LSR: variants seen among roughly 807,000 people sequenced by gnomAD.
The protein encoded by LSR is lipolysis stimulated lipoprotein receptor, also known as lipolysis-stimulated lipoprotein receptor.
LSR carries 44 observed loss-of-function variants against 61.8 expected under a neutral mutation model. The observed-to-expected ratio is 0.71, with a 90% CI of 0.56 to 0.91. LSR has a LOEUF of 0.91. Ranked by LOEUF, LSR falls within the 40% of genes least tolerant of loss-of-function variation. The probability of loss-of-function intolerance (pLI) is 0.00; values close to 1 mark genes in which losing one functional copy is unlikely to be tolerated. For missense variants in LSR, 911 were observed against 830.5 expected (o/e 1.10, Z -1.19); for synonymous variants, 397 against 350.6 (o/e 1.13, Z -1.48).
At chr19:35,261,596 G>A (rs927507576) in intron 3 of LSR, among the ~76,000 whole-genome samples, 9 of 152,304 alleles carry the variant, frequency 5.9e-5, no homozygotes, top group South Asian at 2.1e-4. Context: ...CCCTATCACC[G>A]TGGTTGGAGC....
At chr19:35,254,377 T>A (rs1420635553) in intron 2 of LSR, among the ~76,000 whole-genome samples, 1 of 152,224 alleles carries the variant, frequency 6.6e-6, no homozygotes, top group East Asian at 1.9e-4. Flanking sequence ...ATTACAGATG[T>A]GAGCCACCAT....
chr19:35,266,745 A>C lies in LSR; in HGVS notation c.1012+7A>C, dbSNP rs1289091310. ...GACAGCAGTGTGGCCTCTGGTGAGAATCCATCGTCCCGAAGTTGGATGTGC... is the reference window on the plus strand; with the variant it reads ...GACAGCAGTGTGGCCTCTGGTGAGACTCCATCGTCCCGAAGTTGGATGTGC... On this transcript the variant is annotated splice_region_variant and intron_variant, in intron 7 of 9. Transcript: ENST00000605618. 14 of 1,609,234 alleles carry C rather than the reference A, an allele frequency of 8.7e-6. No homozygotes were observed. The highest frequency in any genetic ancestry group is 1.1e-5 in the Non-Finnish European group (13 of 1,177,994).
intron 3 of LSR, 111 bp from the exon 4 acceptor site, chr19:35,261,814 C>T: frequency 1.6e-6 from 1 of 644,730 alleles, no homozygotes; most frequent in Non-Finnish European, 2.5e-6. Context: ...CCAGCCCCTT[C>T]CCGCTTCAGG....
rs556689258 is a variant in LSR, at chr19:35,250,477, C to G, written c.272C>G (p.Ala91Gly). 6.2e-7 allele frequency: 1 copy of G among 1,614,078 alleles called. No homozygotes were observed. The highest frequency in any genetic ancestry group is 1.7e-5 in the Admixed American group (1 of 60,010). ...TTCTGCCGGGACCGCATCGCCGATG[C>G]CTTCTCCCCGGCCAGCGTCGACAAC... ...KSFCRDRIAD[A>G]FSPASVDNQL... Residue 91 changes from alanine to glycine, a missense_variant, in exon 2 of 10, where the codon GCC becomes GGC. By Grantham distance (60) the Ala-to-Gly change is moderately conservative (BLOSUM62 0). Transcript: ENST00000605618.
intron 2 of LSR, among the ~76,000 whole-genome samples, chr19:35,255,756 C>T (rs1391797481): frequency 1.3e-5 from 2 of 152,200 alleles, no homozygotes; most frequent in African/African-American, 4.8e-5. Flanking sequence ...GCCTGGCACT[C>T]TCTGCTGTCC....
rs1168659903 is a variant in LSR at position 35,267,301 on chromosome 19, T to C, written c.1337T>C (p.Val446Ala). 4.3e-5 allele frequency: 66 copies of C among 1,541,720 alleles called. No individual in the cohort carries two copies. Among genetic ancestry groups the C allele is most frequent in the Non-Finnish European group, 5.7e-5 (65 of 1,143,024 alleles). The change falls in exon 9 of 10, where the codon GTG becomes GCG. Residue 446 changes from valine (V) to alanine (A), a missense_variant. Val to Ala is a moderately conservative substitution (Grantham distance 64). Coordinates refer to ENST00000605618, the MANE Select transcript of LSR (RefSeq NM_205834.4). ...WRARRPRARS[V>A]DALDDLTPPS... Reference sequence around the variant, plus strand: ...GCCAGGCGGCCCCGGGCCCGCTCCGTGGACGCCCTGGACGACCTCACCCCG... The same window carrying C: ...GCCAGGCGGCCCCGGGCCCGCTCCGCGGACGCCCTGGACGACCTCACCCCG...
chr19:35,266,704 C>A lies in LSR; in HGVS notation c.978C>A (p.Pro326=). 1.9e-6 allele frequency: 3 copies of A among 1,609,244 alleles called. No homozygotes were observed. Among genetic ancestry groups the A allele is most frequent in the Non-Finnish European group, 2.5e-6 (3 of 1,178,168 alleles). The part of the protein sequence containing the change: ...SSAGGQGSYV[P]LLRDTDSSVA... ...CTGGTGGCCAAGGCTCCTATGTACC[C>A]CTGCTTCGGGACACGGACAGCAGTG... Residue 326 remains proline (P), a synonymous_variant, in exon 7 of 10, where the codon CCC becomes CCA. Coordinates refer to ENST00000605618, the MANE Select transcript of LSR (RefSeq NM_205834.4).
intron 1 of LSR, 33 bp downstream of exon 1, chr19:35,249,164 C>T: frequency 6.6e-7 from 1 of 1,515,558 alleles, no homozygotes; most frequent in Non-Finnish European, 8.8e-7. Flanking sequence ...CGCTGCGGAA[C>T]GCCGGAGGGA....
rs2066052424 is a variant in LSR at position 35,267,959 on chromosome 19, T to A, written c.*100T>A. 3.5e-6 allele frequency: 5 copies of A among 1,418,014 alleles called. No homozygotes were observed. In the Admixed American group the frequency reaches 8.8e-5, roughly 25 times the overall value. The allele number at this position is 1,418,014 out of a possible 1,614,324, so 87.8% of individuals were successfully genotyped here. On this transcript the variant is annotated 3_prime_UTR_variant, in exon 10 of 10. Coordinates refer to ENST00000605618, the MANE Select transcript of LSR (RefSeq NM_205834.4). ...CTCCCGAGTCTAATAAAACGTATAA[T>A]CACAAGCTCTGGAGAGAACCATTTG...
chr19:35,262,764 C>T (rs2065947374), intron 5 of LSR, 72 bp downstream of exon 5: 1 of 1,567,914 alleles, frequency 6.4e-7, no homozygotes, highest in Non-Finnish European at 8.6e-7. Context: ...TGGCCATCCA[C>T]CTGCCCCCAG....
intron 2 of LSR, among the ~76,000 whole-genome samples, chr19:35,255,610 C>CA (rs966266944): frequency 1.2e-4 from 18 of 151,976 alleles, no homozygotes; most frequent in South Asian, 2.1e-4. Context: ...ACACCAACAA[C>CA]AAAAAAACAG....
At chr19:35,262,009 T>C (rs377010270) in intron 4 of LSR, 28 bp downstream of exon 4, 36 of 1,519,150 alleles carry the variant, frequency 2.4e-5, no homozygotes, top group Admixed American at 2.6e-5. Context: ...TGAGTTGGGC[T>C]TCTCGGGAGC....
Position 35,249,177 on chromosome 19 carries a change from T to G in LSR, c.109+46T>G, listed in dbSNP as rs540861707. On this transcript the variant is annotated intron_variant, in intron 1 of 9. Coordinates refer to ENST00000605618, the MANE Select transcript of LSR (RefSeq NM_205834.4). The stretch of plus-strand genomic sequence containing the variant: ...GACGCTGCGGAACGCCGGAGGGAAC[T>G]GTAGAGGGGGATGGATGGAGTTGGA... 5.3e-6 allele frequency: 8 copies of G among 1,507,118 alleles called. No homozygotes were observed. In the South Asian group the frequency reaches 1.0e-4, roughly 19 times the overall value. The allele number at this position is 1,507,118 out of a possible 1,614,324, so 93.4% of individuals were successfully genotyped here. A position where few individuals can be genotyped will look rare whatever the true frequency, so the allele number is the denominator to read the frequency against.
chr19:35,267,501 C>T lies in LSR; in HGVS notation c.1537C>T (p.Pro513Ser). Reference sequence around the variant, plus strand: ...CGACTTCAGGTCTCGGGAGCGCCCTCCTGCCGACCCCAGGTCCCACCACCA... The same window carrying T: ...CGACTTCAGGTCTCGGGAGCGCCCTTCTGCCGACCCCAGGTCCCACCACCA... The part of the protein sequence containing the change: ...YDDFRSRERP[P>S]ADPRSHHHRT... Residue 513 changes from proline (P) to serine (S), a missense_variant, in exon 9 of 10, where the codon CCT becomes TCT. Transcript: ENST00000605618. The T allele has an allele frequency of 6.2e-7, 1 of 1,611,496 alleles. No individual in the cohort carries two copies. The highest frequency in any genetic ancestry group is 1.1e-5 in the South Asian group (1 of 90,950).
At chr19:35,259,781 G>A (rs12979058) in intron 3 of LSR, among the ~76,000 whole-genome samples, 25,091 of 152,220 alleles carry the variant, frequency 0.16, 2,548 homozygotes, top group South Asian at 0.23. Flanking sequence ...CGGTTTTGCC[G>A]TGTGCCCTGC....
At position 35,267,922 on chromosome 19, in the gene LSR, C is replaced by T; in HGVS notation, c.*63C>T. On this transcript the variant is annotated 3_prime_UTR_variant, in exon 10 of 10. Coordinates refer to ENST00000605618, the MANE Select transcript of LSR (RefSeq NM_205834.4). ...TAATTTGAAGGAACACTGATGAAGC[C>T]CTGCCATACCCCTCCCGAGTCTAAT... 6.5e-7 allele frequency: 1 copy of T among 1,536,514 alleles called. No homozygotes were observed. The highest frequency in any genetic ancestry group is 1.7e-5 in the Admixed American group (1 of 59,046).
In LSR at chr19:35,263,084, AGCCTGG is replaced by A. The variant is rs1708638650; in HGVS notation, c.778+393_778+398del. 1.8e-5 allele frequency: 3 copies of A among 166,820 alleles called. No homozygotes were observed. The South Asian group carries it at 4.8e-4, about 27-fold the overall frequency. The allele number at this position is 166,820 out of a possible 1,614,324, so 10.3% of individuals were successfully genotyped here. ...CACTTGAGGTCAGGAGTTCCAGATCAGCCTGGCCAACATGGTAAAACCCAGTTCTCT... is the reference window on the plus strand; with the variant it reads ...CACTTGAGGTCAGGAGTTCCAGATCACCAACATGGTAAAACCCAGTTCTCT... On this transcript the variant is annotated intron_variant, in intron 5 of 9. Transcript: ENST00000605618.
intron 5 of LSR, among the ~76,000 whole-genome samples, chr19:35,263,365 A>T (rs35959789): frequency 7.9e-5 from 12 of 151,746 alleles, no homozygotes; most frequent in Middle Eastern, 3.4e-3. Context: ...AGCAAAAAAA[A>T]TTTTTTTTGT....
Position 35,267,472 on chromosome 19 carries a change from A to G in LSR, c.1508A>G (p.Tyr503Cys), listed in dbSNP as rs749043955. 9 of 1,610,846 alleles carry G rather than the reference A, an allele frequency of 5.6e-6. No homozygotes were observed. The highest frequency in any genetic ancestry group is 7.6e-6 in the Non-Finnish European group (9 of 1,179,500). ...TTCCCACGCTCCCGGGACCCCCACT[A>G]CGACGACTTCAGGTCTCGGGAGCGC... is the stretch of plus-strand genomic sequence containing the variant. ...RDFPRSRDPH[Y>C]DDFRSRERPP... The change falls in exon 9 of 10, where the codon TAC (tyrosine) becomes TGC (cysteine). Residue 503 changes from tyrosine (Y) to cysteine (C), a missense_variant. By Grantham distance (194) the Tyr-to-Cys change is radical. Coordinates refer to ENST00000605618, the MANE Select transcript of LSR (RefSeq NM_205834.4).
Sources: allele counts gnomAD v4.1 joint callset (sites outside exome capture counted in the v4.1 genomes callset), GRCh38; gene constraint gnomAD v4.1.1; transcripts MANE v1.5; gene names NCBI Gene and HGNC (gene_info 2026-07-23, HGNC 2026-07-21).